The following FGF14 variants were observed in gnomAD, a reference collection of about 807,000 sequenced individuals.
The protein encoded by FGF14 is fibroblast growth factor homologous factor 4.
FGF14 carries 5 observed loss-of-function variants against 25.5 expected under a neutral mutation model. That is an observed-to-expected ratio of 0.20 (90% CI 0.10 to 0.41). The LOEUF is 0.41. Among genes scored for constraint, FGF14 ranks in the 10% least tolerant of loss-of-function variants. The pLI, the probability that FGF14 is intolerant of heterozygous loss-of-function variation, is 1.00. For missense variants in FGF14, 222 were observed against 320.1 expected (o/e 0.69, Z 2.34); for synonymous variants, 138 against 118.3 (o/e 1.17, Z -1.08).
upstream of FGF14, among the ~76,000 whole-genome samples, chr13:101,918,102 C>T (rs1243037146): frequency 1.6e-5 from 2 of 123,238 alleles, no homozygotes; most frequent in Non-Finnish European, 3.0e-5. Context: ...GCGTCTCCTC[C>T]CCCTTGATTT....
chr13:102,361,353 G>A (rs1231599409), intron 1 of FGF14, among the ~76,000 whole-genome samples: 1 of 152,138 alleles, frequency 6.6e-6, no homozygotes, highest in Non-Finnish European at 1.5e-5. Context: ...GAGAAGAACG[G>A]AAGTTAACCT....
intron 1 of FGF14, among the ~76,000 whole-genome samples, chr13:102,369,421 C>G (rs1485047736): frequency 2.0e-5 from 3 of 152,174 alleles, no homozygotes; most frequent in Non-Finnish European, 4.4e-5. Context: ...GGTGTGGTGT[C>G]TCAAACTAAT....
intron 1 of FGF14, among the ~76,000 whole-genome samples, chr13:102,013,771 C>T (rs1291407648): frequency 2.0e-5 from 3 of 152,140 alleles, no homozygotes; most frequent in Non-Finnish European, 4.4e-5. Context: ...TCATATATGA[C>T]ATTTTATTTC....
chr13:101,988,737 T>C (rs1288020698), intron 1 of FGF14, among the ~76,000 whole-genome samples: 1 of 149,484 alleles, frequency 6.7e-6, no homozygotes, highest in Non-Finnish European at 1.5e-5. Flanking sequence ...GGGATAGCAT[T>C]AGGAGATATA....
intron 1 of FGF14, among the ~76,000 whole-genome samples, chr13:102,252,272 A>C (rs1369855627): frequency 6.6e-6 from 1 of 152,210 alleles, no homozygotes; most frequent in African/African-American, 2.4e-5. Flanking sequence ...CTAGAGTGGG[A>C]AACTCACTGG....
chr13:102,262,899 C>G (rs750474921), intron 1 of FGF14: 6 of 312,822 alleles, frequency 1.9e-5, no homozygotes, highest in Admixed American at 4.1e-5. Flanking sequence ...GCGTTCATAA[C>G]AGATTCAGAG....
chr13:102,368,431 G>A (rs1276062726), intron 1 of FGF14, among the ~76,000 whole-genome samples: 13 of 152,266 alleles, frequency 8.5e-5, no homozygotes, highest in Non-Finnish European at 8.8e-5. Flanking sequence ...CCAGTAAGGA[G>A]TTAATAAATA....
At chr13:102,070,225 A>G (rs922022571) in intron 1 of FGF14, among the ~76,000 whole-genome samples, 1 of 152,252 alleles carries the variant, frequency 6.6e-6, no homozygotes, top group African/African-American at 2.4e-5. Flanking sequence ...AAAATATCAG[A>G]ATAGACATTT....
At chr13:101,992,949 T>C (rs900417567) in intron 1 of FGF14, among the ~76,000 whole-genome samples, 2 of 151,932 alleles carry the variant, frequency 1.3e-5, no homozygotes, top group African/African-American at 4.8e-5. Flanking sequence ...GAATTAACGA[T>C]GGATGTCAAA....
At chr13:101,985,025 A>G (rs1187299824) in intron 1 of FGF14, among the ~76,000 whole-genome samples, 2 of 151,738 alleles carry the variant, frequency 1.3e-5, no homozygotes, top group Non-Finnish European at 2.9e-5. Context: ...ATAAAACCAT[A>G]TAGATTGTCA....
intron 1 of FGF14, among the ~76,000 whole-genome samples, chr13:102,114,820 G>T (rs1299596734): frequency 6.6e-6 from 1 of 152,120 alleles, no homozygotes; most frequent in Non-Finnish European, 1.5e-5. Context: ...GTTACCAGGG[G>T]CTGAGGGAAG....
intron 3 of FGF14, among the ~76,000 whole-genome samples, chr13:101,862,445 G>C (rs1433730052): frequency 9.9e-5 from 15 of 151,784 alleles, no homozygotes; most frequent in Non-Finnish European, 2.1e-4. Context: ...CTGGAATCTG[G>C]ATAGTATCAA....
chr13:101,987,130 A>G (rs1244373582), intron 1 of FGF14, among the ~76,000 whole-genome samples: 1 of 151,992 alleles, frequency 6.6e-6, no homozygotes, highest in Non-Finnish European at 1.5e-5. Context: ...TCCACCTCTA[A>G]TCTAATCTCT....
At chr13:101,954,089 G>C (rs1281682077) in intron 1 of FGF14, among the ~76,000 whole-genome samples, 1 of 152,136 alleles carries the variant, frequency 6.6e-6, no homozygotes, top group Admixed American at 6.5e-5. Context: ...AATTTTTGAA[G>C]AAGCAGGTAA....
chr13:102,205,984 TAAAAAAAAAAAAAA>T (rs36108366), intron 1 of FGF14, among the ~76,000 whole-genome samples: 9 of 47,442 alleles, frequency 1.9e-4, no homozygotes, highest in East Asian at 9.4e-4. Context: ...CTCCCTGTGG[TAAAAAAAAAAAAAA>T]AAAAAAAAAA....
chr13:102,329,986 C>T (rs2056583883), intron 1 of FGF14, among the ~76,000 whole-genome samples: 1 of 152,262 alleles, frequency 6.6e-6, no homozygotes, highest in Non-Finnish European at 1.5e-5. Flanking sequence ...GCATCATGTT[C>T]ACTTCCCCAA....
intron 3 of FGF14, among the ~76,000 whole-genome samples, chr13:101,732,018 G>C (rs1453097092): frequency 6.6e-6 from 1 of 152,136 alleles, no homozygotes; most frequent in Non-Finnish European, 1.5e-5. Flanking sequence ...GTAATTGAGG[G>C]AAGAGTTATT....
At position 101,716,698 on chromosome 13, in the gene FGF14, A is replaced by T. The variant is rs1248978314; in HGVS notation, c.*6133T>A. On this transcript the variant is annotated 3_prime_UTR_variant, in exon 5 of 5. Coordinates refer to ENST00000376143, the MANE Select transcript of FGF14 (RefSeq NM_004115.4). ...TTAAAATACTTTTTTTTCTAAGGAT[A>T]CCTTACTTACTGGAAACCTGGGGTC... 1.3e-5 allele frequency: 2 copies of T among 151,828 alleles called. No individual in the cohort carries two copies. Among genetic ancestry groups the T allele is most frequent in the East Asian group, 1.9e-4 (1 of 5,142 alleles). The allele number at this position is 151,828 out of a possible 1,614,324, so 9.4% of individuals were successfully genotyped here. A position where few individuals can be genotyped will look rare whatever the true frequency, so the allele number is the denominator to read the frequency against.
intron 1 of FGF14, among the ~76,000 whole-genome samples, chr13:102,384,939 T>C (rs1186042196): frequency 6.6e-6 from 1 of 152,210 alleles, no homozygotes; most frequent in African/African-American, 2.4e-5. Context: ...GATTTTCACC[T>C]TTTGTTCTTT....
Sources: gnomAD v4.1 joint callset for allele counts (sites outside exome capture counted in the v4.1 genomes callset) on GRCh38, gnomAD v4.1.1 for gene constraint, MANE v1.5 for transcripts, NCBI Gene and HGNC (gene_info 2026-07-23, HGNC 2026-07-21) for gene names.